PRICKLE2: variants seen among roughly 807,000 people sequenced by gnomAD.
PRICKLE2 encodes the protein prickle planar cell polarity protein 2.
A neutral mutation model predicts 81.4 loss-of-function variants in PRICKLE2; 21 were observed. That is an observed-to-expected ratio of 0.26 (90% CI 0.18 to 0.37). The LOEUF (loss-of-function observed/expected upper bound fraction) is 0.37, where lower values mean the gene tolerates loss of function less well. PRICKLE2 is among the 10% of genes least tolerant of loss of function. The probability of loss-of-function intolerance (pLI) is 1.00; values close to 1 mark genes in which losing one functional copy is unlikely to be tolerated. For synonymous variants in PRICKLE2, 456 were observed against 421.5 expected, an observed-to-expected ratio of 1.08 and a Z score of -1.00; for missense variants, 940 against 1,109.0, an observed-to-expected ratio of 0.85 and a Z score of 2.16.
rs1223342871 is a variant in PRICKLE2, at chr3:64,093,269, A to G, written c.*5782T>C. On this transcript the variant is annotated 3_prime_UTR_variant, in exon 8 of 8. Transcript: ENST00000638394. The stretch of plus-strand genomic sequence containing the variant: ...CCACACCTTGTTTACACATTCATCC[A>G]TCAGTGGACATTTGGGTTGCTCCCA... 1 of 152,488 alleles carries G rather than the reference A, an allele frequency of 6.6e-6. No homozygotes were observed. Among genetic ancestry groups the G allele is most frequent in the South Asian group, 2.1e-4 (1 of 4,840 alleles). 9.4% of individuals were successfully genotyped at this position (152,488 alleles called of 1,614,324 possible).
At chr3:64,245,800 A>G (rs1438427190) in intron 2 of PRICKLE2, among the ~76,000 whole-genome samples, 1 of 152,206 alleles carries the variant, frequency 6.6e-6, no homozygotes, top group African/African-American at 2.4e-5. Flanking sequence ...TTAGGTTTAA[A>G]AGAAGGCAGG....
At chr3:64,144,974 G>A (rs1392569383) in intron 7 of PRICKLE2, among the ~76,000 whole-genome samples, 1 of 152,080 alleles carries the variant, frequency 6.6e-6, no homozygotes, top group African/African-American at 2.4e-5. Flanking sequence ...TTCTCAGCCA[G>A]TGTTATCCTC....
intron 7 of PRICKLE2, among the ~76,000 whole-genome samples, chr3:64,139,954 G>A (rs2077334730): frequency 1.3e-5 from 2 of 152,158 alleles, no homozygotes; most frequent in South Asian, 2.1e-4. Context: ...ACAATTGGAT[G>A]GTTACTGTGT....
At chr3:64,119,115 C>G (rs1378027689) in intron 7 of PRICKLE2, among the ~76,000 whole-genome samples, 1 of 152,062 alleles carries the variant, frequency 6.6e-6, no homozygotes, top group East Asian at 1.9e-4. Flanking sequence ...CAAACTAAGA[C>G]AGAAACAGGA....
chr3:64,127,844 T>C (rs1230901822), intron 7 of PRICKLE2, among the ~76,000 whole-genome samples: 1 of 151,888 alleles, frequency 6.6e-6, no homozygotes, highest in East Asian at 1.9e-4. Context: ...TGGTCCCATT[T>C]TGTGATTTTG....
At chr3:64,148,825 G>A (rs892071618) in intron 6 of PRICKLE2, among the ~76,000 whole-genome samples, 1 of 152,170 alleles carries the variant, frequency 6.6e-6, no homozygotes, top group Non-Finnish European at 1.5e-5. Context: ...CTGGTGCCTT[G>A]AGTTTGAACT....
At chr3:64,121,342 A>G (rs2077024567) in intron 7 of PRICKLE2, among the ~76,000 whole-genome samples, 1 of 152,116 alleles carries the variant, frequency 6.6e-6, no homozygotes, top group South Asian at 2.1e-4. Flanking sequence ...CAGAAAGAAG[A>G]TAGAAAATGC....
chr3:64,203,176 G>C (rs1189324712), intron 1 of PRICKLE2, among the ~76,000 whole-genome samples: 2 of 152,096 alleles, frequency 1.3e-5, no homozygotes, highest in South Asian at 2.1e-4. Context: ...ATATACACCA[G>C]ACAGAATGCA....
At chr3:64,159,862 TA>T in intron 4 of PRICKLE2, 77 bp downstream of exon 4, 7 of 1,585,818 alleles carry the variant, frequency 4.4e-6, no homozygotes, top group Non-Finnish European at 6.1e-6. Context: ...AGGCACTCAG[TA>T]AAACAATTGT....
intron 4 of PRICKLE2, among the ~76,000 whole-genome samples, chr3:64,159,261 A>G (rs114676004): frequency 3.9e-4 from 59 of 152,350 alleles, no homozygotes; most frequent in Non-Finnish European, 7.2e-4. Flanking sequence ...ATGCACTTCA[A>G]TAAGGAACTC....
chr3:64,252,894 A>C (rs1021058746), intron 2 of PRICKLE2, among the ~76,000 whole-genome samples: 1 of 152,238 alleles, frequency 6.6e-6, no homozygotes, highest in Non-Finnish European at 1.5e-5. Flanking sequence ...AAGACAAGAC[A>C]AAAGTAAATG....
chr3:64,246,486 T>C (rs983937545), intron 2 of PRICKLE2, among the ~76,000 whole-genome samples: 3 of 152,232 alleles, frequency 2.0e-5, no homozygotes, highest in Admixed American at 1.3e-4. Flanking sequence ...TCTTCGTATT[T>C]CTCTATTTGA....
chr3:64,118,050 A>C (rs1338503400), intron 7 of PRICKLE2, among the ~76,000 whole-genome samples: 2 of 152,206 alleles, frequency 1.3e-5, no homozygotes, highest in African/African-American at 4.8e-5. Context: ...GTAAGGCCAC[A>C]CACCTATAGC....
chr3:64,265,153 A>G (rs1299285995), intron 2 of PRICKLE2, among the ~76,000 whole-genome samples: 2 of 152,198 alleles, frequency 1.3e-5, no homozygotes, highest in Non-Finnish European at 2.9e-5. Context: ...AACAAAACAA[A>G]GCAAAAAGAA....
At chr3:64,199,601 T>A (rs550163064) in intron 1 of PRICKLE2, 1 of 152,658 alleles carries the variant, frequency 6.6e-6, no homozygotes, top group South Asian at 2.1e-4. Flanking sequence ...GAAACCCAAA[T>A]TTTCCCTATG....
At chr3:64,151,120 C>T (rs143181558) in intron 6 of PRICKLE2, among the ~76,000 whole-genome samples, 1 of 152,178 alleles carries the variant, frequency 6.6e-6, no homozygotes, top group Non-Finnish European at 1.5e-5. Flanking sequence ...TGACGCAGGG[C>T]CTGCTCTGAG....
chr3:64,161,081 C>T (rs1171802607), intron 3 of PRICKLE2, among the ~76,000 whole-genome samples: 1 of 151,932 alleles, frequency 6.6e-6, no homozygotes. Context: ...AACAGAGATC[C>T]CTGACGCTCC....
chr3:64,194,866 A>AC lies in PRICKLE2; in HGVS notation c.144+3917dup, dbSNP rs572571625. Among the ~76,000 whole-genome samples the AC allele has an allele frequency of 6.6e-5, 10 of 152,074 alleles. No individual in the cohort carries two copies. The South Asian group carries it at 1.2e-3, about 19-fold the overall frequency. On this transcript the variant is annotated intron_variant, in intron 2 of 7. Transcript: ENST00000638394. ...AGACCAGCCTGGGCAACATAGTGAG[A>AC]CCCCCTTCTGTACAAAAAATACAAA...
chr3:64,121,220 C>T (rs930783288), intron 7 of PRICKLE2, among the ~76,000 whole-genome samples: 2 of 152,154 alleles, frequency 1.3e-5, no homozygotes, highest in Admixed American at 1.3e-4. Flanking sequence ...CTAAAGGAAG[C>T]CTTTCCAAAC....
Sources: allele counts gnomAD v4.1 joint callset (sites outside exome capture counted in the v4.1 genomes callset), GRCh38; gene constraint gnomAD v4.1.1; transcripts MANE v1.5; gene names NCBI Gene and HGNC (gene_info 2026-07-23, HGNC 2026-07-21).